The following MFF variants were observed in gnomAD, a reference collection of about 807,000 sequenced individuals.
MFF encodes chromosome 2 open reading frame 33.
In MFF, 12 loss-of-function variants were observed where a neutral mutation model predicts 36.9. The ratio of observed to expected loss-of-function variants is 0.33; its 90% CI spans 0.21 to 0.53. The LOEUF (loss-of-function observed/expected upper bound fraction) is 0.53. MFF is among the 20% of genes least tolerant of loss of function. The pLI, the probability that MFF is intolerant of heterozygous loss-of-function variation, is 0.95. For missense variants in MFF, 348 were observed against 366.6 expected, an observed-to-expected ratio of 0.95 and a Z score of 0.42; for synonymous variants, 99 against 126.2, an observed-to-expected ratio of 0.78 and a Z score of 1.44.
chr2:227,336,682 T>C (rs1200145704), intron 4 of MFF, among the ~76,000 whole-genome samples: 1 of 152,112 alleles, frequency 6.6e-6, no homozygotes, highest in Non-Finnish European at 1.5e-5. Context: ...GTAGAAGAAA[T>C]ATCTAGCTAG....
chr2:227,338,860 A>G (rs2075215355), intron 4 of MFF, among the ~76,000 whole-genome samples: 1 of 150,656 alleles, frequency 6.6e-6, no homozygotes, highest in Non-Finnish European at 1.5e-5. Context: ...AAAAAACCAT[A>G]ATGTTGCCAT....
At position 227,347,028 on chromosome 2, in the gene MFF, G is replaced by A. The variant is rs2075747473; in HGVS notation, c.441-198G>A. ...TTATTTTGATGTTTAGGGTTACAAAGTTATAAGTGCTGCCTTGTAGCTAGT... is the reference window on the plus strand; with the variant it reads ...TTATTTTGATGTTTAGGGTTACAAAATTATAAGTGCTGCCTTGTAGCTAGT... On this transcript the variant is annotated intron_variant, in intron 5 of 8. Transcript: ENST00000304593. 3 of 499,912 alleles carry A rather than the reference G, an allele frequency of 6.0e-6. No homozygotes were observed. The Admixed American group carries it at 9.7e-5, about 16-fold the overall frequency. The allele number at this position is 499,912 out of a possible 1,614,324, so 31.0% of individuals were successfully genotyped here.
chr2:227,336,174 C>T (rs2074988693), intron 4 of MFF, among the ~76,000 whole-genome samples: 2 of 152,184 alleles, frequency 1.3e-5, no homozygotes, highest in Non-Finnish European at 1.5e-5. Flanking sequence ...TTTGACACAA[C>T]CTTGAACAGT....
intron 4 of MFF, among the ~76,000 whole-genome samples, chr2:227,334,331 T>G (rs6741297): frequency 6.6e-6 from 1 of 152,230 alleles, no homozygotes; most frequent in African/African-American, 2.4e-5. Flanking sequence ...TACCAGCTGC[T>G]TATTGAAAGC....
chr2:227,338,360 ACT>A (rs10563415), intron 4 of MFF, among the ~76,000 whole-genome samples: 126,669 of 146,488 alleles, frequency 0.86, 55,567 homozygotes, highest in Non-Finnish European at 0.95. Flanking sequence ...ACAGAGTGAC[ACT>A]CTGTCTCAAA....
chr2:227,326,381 G>T (rs1362977976), intron 1 of MFF, among the ~76,000 whole-genome samples: 3 of 151,356 alleles, frequency 2.0e-5, no homozygotes, highest in East Asian at 2.0e-4. Context: ...GCTAATGAGA[G>T]CCCAAAAGAA....
At position 227,330,772 on chromosome 2, in the gene MFF, T is replaced by G; in HGVS notation, c.107T>G (p.Leu36Arg). 3 of 1,614,202 alleles carry G rather than the reference T, an allele frequency of 1.9e-6. No homozygotes were observed. Among genetic ancestry groups the G allele is most frequent in the Non-Finnish European group, 2.5e-6 (3 of 1,179,992 alleles). Residue 36 changes from leucine to arginine, a missense_variant, in exon 3 of 9, where the codon CTG (leucine) becomes CGG (arginine). Physicochemically the swap from Leu to Arg is moderately radical, Grantham distance 102 (BLOSUM62 -2). Coordinates refer to ENST00000304593, the MANE Select transcript of MFF (RefSeq NM_001277062.2). The stretch of plus-strand genomic sequence containing the variant: ...AAAGTAGCACCGCCAAACGCTGACC[T>G]GGAACAAGGATTCCAAGAAGGAGTT... Reference protein sequence around the residue: ...KLKVAPPNADLEQGFQEGVPN... With the variant: ...KLKVAPPNADREQGFQEGVPN...
chr2:227,330,786 CAAG>C lies in MFF; in HGVS notation c.125_127del (p.Glu42del), dbSNP rs755727052. 1.2e-5 allele frequency: 19 copies of C among 1,614,056 alleles called. No homozygotes were observed. Among genetic ancestry groups the C allele is most frequent in the African/African-American group, 2.7e-5 (2 of 74,930 alleles). On this transcript the variant is annotated inframe_deletion, in exon 3 of 9. Transcript: ENST00000304593. ...AAACGCTGACCTGGAACAAGGATTC[CAAG>C]AAGGAGTTCCAAATGCTAGTGTGAT... is the stretch of plus-strand genomic sequence containing the variant.
chr2:227,331,152 C>T (rs2074542304), intron 3 of MFF, among the ~76,000 whole-genome samples: 2 of 152,190 alleles, frequency 1.3e-5, no homozygotes, highest in South Asian at 4.1e-4. Flanking sequence ...TTTTGTTACT[C>T]TGCAAGGTTC....
rs1197530137 is a variant in MFF at position 227,332,405 on chromosome 2, T to C, written c.182-14T>C. The C allele has an allele frequency of 6.7e-7, 1 of 1,496,436 alleles. No homozygotes were observed. Among genetic ancestry groups the C allele is most frequent in the East Asian group, 2.3e-5 (1 of 43,304 alleles). 92.7% of individuals were successfully genotyped at this position (1,496,436 alleles called of 1,614,324 possible). A position where few individuals can be genotyped will look rare whatever the true frequency, so the allele number is the denominator to read the frequency against. On this transcript the variant is annotated splice_polypyrimidine_tract_variant and intron_variant, in intron 3 of 8. Transcript: ENST00000304593. ...GCTTTTCTCTTCTTTGTCTCTTTTCTTGAAAACTCCTAGGAAATAATGAAG... is the reference window on the plus strand; with the variant it reads ...GCTTTTCTCTTCTTTGTCTCTTTTCCTGAAAACTCCTAGGAAATAATGAAG...
intron 6 of MFF, chr2:227,351,604 C>T (rs4553817): frequency 0.88 from 134,254 of 152,206 alleles, 59,821 homozygotes; most frequent in Non-Finnish European, 0.95. Context: ...CTCCAGTCTC[C>T]TTTCTCTGCT....
intron 6 of MFF, among the ~76,000 whole-genome samples, chr2:227,350,659 C>G (rs2075950128): frequency 1.3e-5 from 2 of 152,092 alleles, no homozygotes; most frequent in Non-Finnish European, 2.9e-5. Flanking sequence ...CCCAATTAAA[C>G]TTTATTTTCT....
intron 5 of MFF, among the ~76,000 whole-genome samples, chr2:227,344,096 G>C (rs137886420): frequency 9.9e-5 from 15 of 152,252 alleles, no homozygotes; most frequent in African/African-American, 2.9e-4. Context: ...CCCTGGTGTT[G>C]TTTATGTAAC....
At chr2:227,339,772 T>C (rs2075282618) in intron 4 of MFF, among the ~76,000 whole-genome samples, 1 of 152,188 alleles carries the variant, frequency 6.6e-6, no homozygotes, top group African/African-American at 2.4e-5. Context: ...AAGAAGAGCA[T>C]GTGGGATTAG....
intron 6 of MFF, among the ~76,000 whole-genome samples, chr2:227,348,363 A>G (rs1021640010): frequency 6.6e-6 from 1 of 152,090 alleles, no homozygotes; most frequent in African/African-American, 2.4e-5. Flanking sequence ...TGTCCATGCT[A>G]CTTATCATTG....
chr2:227,353,655 A>C (rs2076114725), intron 7 of MFF, among the ~76,000 whole-genome samples: 1 of 152,226 alleles, frequency 6.6e-6, no homozygotes, highest in Admixed American at 6.5e-5. Context: ...TAGTTCTAAT[A>C]AATACGGTTT....
chr2:227,342,924 T>G, intron 5 of MFF: 2 of 880,666 alleles, frequency 2.3e-6, no homozygotes, highest in Non-Finnish European at 3.5e-6. Flanking sequence ...CTATCCTAAT[T>G]ATCTTCCTGT....
chr2:227,355,783 ATATATTTCTCAGT>A (rs1343706144), intron 8 of MFF, 22 bp downstream of exon 8: 2 of 1,431,938 alleles, frequency 1.4e-6, no homozygotes, highest in East Asian at 4.6e-5. Context: ...ACCAAATAAG[ATATATTTCTCAGT>A]TATATTCATA....
intron 7 of MFF, among the ~76,000 whole-genome samples, chr2:227,353,767 TC>T (rs2076123143): frequency 1.3e-5 from 2 of 152,214 alleles, no homozygotes; most frequent in African/African-American, 2.4e-5. Flanking sequence ...AATCGAGATT[TC>T]AGATATCTAA....
Sources: allele counts gnomAD v4.1 joint callset (sites outside exome capture counted in the v4.1 genomes callset), GRCh38; gene constraint gnomAD v4.1.1; transcripts MANE v1.5; gene names NCBI Gene and HGNC (gene_info 2026-07-23, HGNC 2026-07-21).